The following DDX3X variants were observed in gnomAD, a reference collection of about 807,000 sequenced individuals.
DDX3X encodes the protein DEAD-box helicase 3 X-linked.
Under a neutral mutation model 52.7 loss-of-function variants are expected in DDX3X, and 4 were observed. That is an observed-to-expected ratio of 0.08 (90% CI 0.04 to 0.17). The LOEUF (loss-of-function observed/expected upper bound fraction) is 0.17, where lower values mean the gene tolerates loss of function less well. Ranked by LOEUF, DDX3X falls within the 10% of genes least tolerant of loss-of-function variation. DDX3X has a pLI of 1.00. For synonymous variants in DDX3X, 192 were observed against 178.1 expected (o/e 1.08, Z -0.62); for missense variants, 222 against 548.6 (o/e 0.40, Z 5.95).
At chrX:41,345,978 G>C in intron 12 of DDX3X, 1 of 370,395 alleles carries the variant, frequency 2.7e-6, no homozygotes, top group Non-Finnish European at 4.6e-6. Flanking sequence ...TGAGGCTGTA[G>C]TATGCCATGA....
At position 41,341,636 on chromosome X, in the gene DDX3X, C is replaced by A. The variant is rs370236217; in HGVS notation, c.284+20C>A. 8.3e-7 allele frequency: 1 copy of A among 1,199,496 alleles called. No individual in the cohort carries two copies. The highest frequency in any genetic ancestry group is 1.8e-5 in the South Asian group (1 of 56,365). On this transcript the variant is annotated intron_variant, in intron 4 of 16. Coordinates refer to ENST00000644876, the MANE Select transcript of DDX3X (RefSeq NM_001356.5). ...GGGAAGGTAAGTGATTTCTTAATCA[C>A]CTTACGTGTATGTATAATAACAGTT... is the stretch of plus-strand genomic sequence containing the variant.
At position 41,339,058 on chromosome X, in the gene DDX3X, T is replaced by C. The variant is rs200109147; in HGVS notation, c.126T>C (p.His42=). 124 of 1,084,027 alleles carry C rather than the reference T, an allele frequency of 1.1e-4. No homozygotes were observed. Among genetic ancestry groups the C allele is most frequent in the Non-Finnish European group, 1.4e-4 (119 of 822,145 alleles). 89.3% of individuals were successfully genotyped at this position (1,084,027 alleles called of 1,213,427 possible). A position where few individuals can be genotyped will look rare whatever the true frequency, so the allele number is the denominator to read the frequency against. Residue 42 remains histidine (H), a synonymous_variant, in exon 3 of 17, where the codon CAT becomes CAC. Coordinates refer to ENST00000644876, the MANE Select transcript of DDX3X (RefSeq NM_001356.5). ...TAGAAGGGCGCTATATTCCTCCTCA[T>C]TTAAGGAACCGAGAAGCTACTAAAG... ...TASKGRYIPP[H]LRNREATKGF... is the part of the protein sequence containing the mutation.
intron 1 of DDX3X, chrX:41,335,159 G>A (rs1021017594): frequency 3.6e-5 from 4 of 111,377 alleles, no homozygotes; most frequent in African/African-American, 1.3e-4. Flanking sequence ...AGGTTAGGGA[G>A]CCAGCGAGGC....
downstream of DDX3X, among the ~76,000 whole-genome samples, chrX:41,354,945 C>G (rs1168310206): frequency 3.7e-5 from 4 of 109,231 alleles, no homozygotes; most frequent in Non-Finnish European, 7.6e-5. Context: ...CAATTCTCCC[C>G]AAGTAGCTGG....
intron 1 of DDX3X, chrX:41,334,644 A>T: frequency 9.4e-7 from 1 of 1,068,252 alleles, no homozygotes; most frequent in Non-Finnish European, 1.2e-6. Context: ...GGGAGTGCGC[A>T]GCGCGGCGGG....
At chrX:41,345,115 C>T in intron 10 of DDX3X, 65 bp from the exon 11 acceptor site, 1 of 1,094,760 alleles carries the variant, frequency 9.1e-7, no homozygotes. Flanking sequence ...AACAGCCATA[C>T]TAAAACCATG....
rs2063973427 is a variant in DDX3X, at chrX:41,350,238, T to C, written c.*2519T>C. On this transcript the variant is annotated 3_prime_UTR_variant, in exon 17 of 17. Transcript: ENST00000644876. ...TTTGTTGTTGTCAATTGTGGTTTAT[T>C]TTCAGAGGTGTAAATAAAGTGCTCT... 1 of 112,467 alleles carries C rather than the reference T, an allele frequency of 8.9e-6. No individual in the cohort carries two copies. Among genetic ancestry groups the C allele is most frequent in the East Asian group, 2.8e-4 (1 of 3,606 alleles). The allele number at this position is 112,467 out of a possible 1,213,427, so 9.3% of individuals were successfully genotyped here.
chrX:41,334,515 G>A (rs892377840), intron 1 of DDX3X: 3 of 1,094,970 alleles, frequency 2.7e-6, no homozygotes, highest in Admixed American at 3.3e-5. Flanking sequence ...CCCGGGACGA[G>A]CACAATGGCG....
rs765427481 is a variant in DDX3X at position 41,346,502 on chromosome X, C to T, written c.1498-3C>T. The T allele has an allele frequency of 8.3e-7, 1 of 1,200,637 alleles. No homozygotes were observed. Among genetic ancestry groups the T allele is most frequent in the Non-Finnish European group, 1.1e-6 (1 of 889,960 alleles). ...GCCATATCTCATAAAAGTTATTTTC[C>T]AGGTAGCAGCAAGAGGACTGGACAT... On this transcript the variant is annotated splice_polypyrimidine_tract_variant and splice_region_variant and intron_variant, in intron 13 of 16. Coordinates refer to ENST00000644876, the MANE Select transcript of DDX3X (RefSeq NM_001356.5).
At chrX:41,336,351 T>C (rs1377174325) in intron 1 of DDX3X, 3 of 112,337 alleles carry the variant, frequency 2.7e-5, no homozygotes, top group Non-Finnish European at 5.6e-5. Context: ...GCTTTTGAGC[T>C]ACCAGTGTAA....
intron 15 of DDX3X, 116 bp from the exon 16 acceptor site, chrX:41,347,196 T>C (rs979803678): frequency 1.1e-5 from 11 of 972,890 alleles, no homozygotes; most frequent in African/African-American, 1.9e-5. Flanking sequence ...GGGGAAAATA[T>C]GGCTGGATGG....
At chrX:41,355,534 C>T (rs1056981849) in intron 5 of DDX3X, among the ~76,000 whole-genome samples, 3 of 110,952 alleles carry the variant, frequency 2.7e-5, no homozygotes, top group Non-Finnish European at 5.7e-5. Context: ...GTGGCCCTAT[C>T]ATGGCTCACT....
At chrX:41,341,389 G>T in intron 3 of DDX3X, 95 bp from the exon 4 acceptor site, 1 of 735,917 alleles carries the variant, frequency 1.4e-6, no homozygotes. Context: ...GGGATAGTCA[G>T]TGGAGGCTTT....
At chrX:41,363,192 G>A (rs757172278) in intron 5 of DDX3X, among the ~76,000 whole-genome samples, 6 of 109,001 alleles carry the variant, frequency 5.5e-5, no homozygotes, top group South Asian at 3.9e-4. Flanking sequence ...TTGGGAGGCC[G>A]AGGCAGTGGA....
intron 1 of DDX3X, chrX:41,336,101 A>G (rs1264917908): frequency 1.8e-5 from 2 of 112,135 alleles, no homozygotes; most frequent in African/African-American, 3.2e-5. Flanking sequence ...GACTCCATTG[A>G]TGATGCATGC....
downstream of DDX3X, chrX:41,350,981 T>C (rs2063980860): frequency 8.9e-6 from 1 of 112,162 alleles, no homozygotes; most frequent in Non-Finnish European, 1.9e-5. Flanking sequence ...GGATAATCTT[T>C]CCAGTCATGA....
At chrX:41,346,694 C>CTA in intron 14 of DDX3X, 72 bp downstream of exon 14, 1 of 967,824 alleles carries the variant, frequency 1.0e-6, no homozygotes, top group Non-Finnish European at 1.4e-6. Flanking sequence ...TTGCTAGGAT[C>CTA]TAAAATACAT....
At position 41,345,118 on chromosome X, in the gene DDX3X, A is replaced by C. The variant is rs2063906609; in HGVS notation, c.1026-62A>C. On this transcript the variant is annotated intron_variant, in intron 10 of 16. Coordinates refer to ENST00000644876, the MANE Select transcript of DDX3X (RefSeq NM_001356.5). ...TGTAATTATACTAACAGCCATACTAAAACCATGTTGATTTCTCCTCAAATT... is the reference window on the plus strand; with the variant it reads ...TGTAATTATACTAACAGCCATACTACAACCATGTTGATTTCTCCTCAAATT... 10 of 1,108,504 alleles carry C rather than the reference A, an allele frequency of 9.0e-6. No homozygotes were observed. In the East Asian group the frequency reaches 1.2e-4, roughly 13 times the overall value. 91.4% of individuals were successfully genotyped at this position (1,108,504 alleles called of 1,213,427 possible).
At chrX:41,343,665 T>TA (rs2063883391) in intron 7 of DDX3X, 72 bp from the exon 8 acceptor site, 3 of 993,289 alleles carry the variant, frequency 3.0e-6, no homozygotes, top group Admixed American at 2.5e-5. Context: ...ATAGGGTAGT[T>TA]AAAAAACACT....
Sources: gnomAD v4.1 joint callset for allele counts (sites outside exome capture counted in the v4.1 genomes callset) on GRCh38, gnomAD v4.1.1 for gene constraint, MANE v1.5 for transcripts, NCBI Gene and HGNC (gene_info 2026-07-23, HGNC 2026-07-21) for gene names.